Variants in DNER observed in about 807,000 individuals in gnomAD.
DNER encodes delta and Notch-like epidermal growth factor-related receptor.
Under a neutral mutation model 78.2 loss-of-function variants are expected in DNER, and 33 were observed. The ratio of observed to expected loss-of-function variants is 0.42; its 90% CI spans 0.32 to 0.56. The LOEUF (loss-of-function observed/expected upper bound fraction) is 0.56, where lower values mean the gene tolerates loss of function less well. Among genes scored for constraint, DNER ranks in the 20% least tolerant of loss-of-function variants. DNER has a pLI of 0.11. For missense variants in DNER, 918 were observed against 975.3 expected (o/e 0.94, Z 0.78); for synonymous variants, 417 against 384.8 (o/e 1.08, Z -0.98).
intron 11 of DNER, among the ~76,000 whole-genome samples, chr2:229,380,852 G>T (rs773543933): frequency 5.9e-5 from 9 of 152,086 alleles, no homozygotes; most frequent in Non-Finnish European, 1.0e-4. Context: ...TTGAACCGAG[G>T]AGGCAGAGGT....
intron 1 of DNER, among the ~76,000 whole-genome samples, chr2:229,641,455 A>G (rs73093601): frequency 7.9e-4 from 121 of 152,274 alleles, no homozygotes; most frequent in African/African-American, 2.6e-3. Context: ...CACAGATGCA[A>G]ATGCAAAAGA....
At chr2:229,654,560 T>C (rs531263947) in intron 1 of DNER, among the ~76,000 whole-genome samples, 121 of 152,344 alleles carry the variant, frequency 7.9e-4, no homozygotes, top group Non-Finnish European at 1.5e-3. Context: ...CCAGAGGTTA[T>C]GTTTTGTCTG....
At chr2:229,622,707 C>T (rs1698270554) in intron 1 of DNER, among the ~76,000 whole-genome samples, 1 of 152,160 alleles carries the variant, frequency 6.6e-6, no homozygotes, top group African/African-American at 2.4e-5. Flanking sequence ...GTCATGGATG[C>T]CTGCATGACT....
intron 1 of DNER, among the ~76,000 whole-genome samples, chr2:229,703,113 G>A (rs951329664): frequency 5.3e-5 from 8 of 151,858 alleles, no homozygotes; most frequent in Admixed American, 5.2e-4. Flanking sequence ...GGAGAAGGGG[G>A]GAGAACATAT....
intron 5 of DNER, among the ~76,000 whole-genome samples, chr2:229,522,977 G>A (rs1462552530): frequency 6.6e-6 from 1 of 152,230 alleles, no homozygotes; most frequent in East Asian, 1.9e-4. Flanking sequence ...CTAGTCAGAG[G>A]CAGAGGGGCT....
Position 229,390,078 on chromosome 2 carries a change from A to C in DNER, c.1724-1682T>G, listed in dbSNP as rs186450187. On this transcript the variant is annotated intron_variant, in intron 10 of 12. Coordinates refer to ENST00000341772, the MANE Select transcript of DNER (RefSeq NM_139072.4). ...TCAGGAACATGCTGAGAAATGTTAA[A>C]AGGATGAAATCAAAGACCTTAACAA... Among the ~76,000 whole-genome samples the C allele has an allele frequency of 8.5e-5, 13 of 152,380 alleles. 1 individual carries two copies. In the East Asian group the frequency reaches 2.5e-3, roughly 29 times the overall value.
intron 5 of DNER, among the ~76,000 whole-genome samples, chr2:229,519,529 T>C (rs1415982265): frequency 1.3e-5 from 2 of 152,082 alleles, no homozygotes; most frequent in African/African-American, 4.8e-5. Context: ...TGTCAGGTGA[T>C]CCATCTTAAG....
chr2:229,508,786 C>A (rs1469769626), intron 6 of DNER, among the ~76,000 whole-genome samples: 1 of 152,060 alleles, frequency 6.6e-6, no homozygotes, highest in Non-Finnish European at 1.5e-5. Context: ...GAGGCTGAGG[C>A]AGGAGAATGG....
At chr2:229,393,431 A>AC (rs1189873851) in intron 10 of DNER, among the ~76,000 whole-genome samples, 1 of 152,100 alleles carries the variant, frequency 6.6e-6, no homozygotes, top group Non-Finnish European at 1.5e-5. Flanking sequence ...GTCTCAAAAA[A>AC]AATAAAAATA....
rs563319428 is a variant in DNER at position 229,571,041 on chromosome 2, G to A, written c.847+14817C>T. On this transcript the variant is annotated intron_variant, in intron 4 of 12. Transcript: ENST00000341772. The stretch of plus-strand genomic sequence containing the variant: ...CCCCAAATATGGTCCCAGTTGTAGG[G>A]GCCTGGGGTGAAGCGGGGAGGCCAG... Among the ~76,000 whole-genome samples, 37 of 152,290 alleles carry A rather than the reference G, an allele frequency of 2.4e-4. 1 individual carries two copies. The South Asian group carries it at 7.5e-3, about 31-fold the overall frequency.
intron 10 of DNER, among the ~76,000 whole-genome samples, chr2:229,397,804 T>C (rs140967096): frequency 2.6e-3 from 396 of 152,206 alleles, no homozygotes; most frequent in Non-Finnish European, 3.6e-3. Flanking sequence ...TAAAGGGACA[T>C]TAAAAATAAA....
intron 1 of DNER, among the ~76,000 whole-genome samples, chr2:229,703,872 G>A (rs898288180): frequency 4.0e-5 from 6 of 149,630 alleles, no homozygotes; most frequent in Non-Finnish European, 8.9e-5. Flanking sequence ...GTGACAGAGT[G>A]AGACCCTGTC....
At chr2:229,467,103 C>T (rs1361869322) in intron 7 of DNER, among the ~76,000 whole-genome samples, 1 of 152,112 alleles carries the variant, frequency 6.6e-6, no homozygotes, top group Non-Finnish European at 1.5e-5. Context: ...ACAGAAAGTC[C>T]CTTGTGAGTG....
intron 5 of DNER, among the ~76,000 whole-genome samples, chr2:229,535,035 C>T (rs930007241): frequency 6.6e-6 from 1 of 152,068 alleles, no homozygotes; most frequent in African/African-American, 2.4e-5. Flanking sequence ...GGGGTTTCAC[C>T]ATGTTGGCCA....
At chr2:229,598,561 A>T (rs1697766519) in intron 1 of DNER, among the ~76,000 whole-genome samples, 1 of 149,674 alleles carries the variant, frequency 6.7e-6, no homozygotes, top group Admixed American at 6.8e-5. Context: ...TTTATGTTAA[A>T]CTACCTTACA....
At chr2:229,692,376 T>C (rs1699593764) in intron 1 of DNER, among the ~76,000 whole-genome samples, 1 of 152,214 alleles carries the variant, frequency 6.6e-6, no homozygotes, top group African/African-American at 2.4e-5. Flanking sequence ...AACACATCAT[T>C]GCATTTCTGG....
intron 11 of DNER, among the ~76,000 whole-genome samples, chr2:229,378,866 C>T (rs1362891700): frequency 6.6e-6 from 1 of 152,096 alleles, no homozygotes; most frequent in Non-Finnish European, 1.5e-5. Flanking sequence ...TGATTCAGAC[C>T]CAATTATCTA....
At chr2:229,503,171 G>T (rs1695656778) in intron 6 of DNER, among the ~76,000 whole-genome samples, 1 of 152,170 alleles carries the variant, frequency 6.6e-6, no homozygotes, top group African/African-American at 2.4e-5. Context: ...AATTCCTAAG[G>T]ACCTAATGGG....
At chr2:229,430,300 TG>T (rs2106354694) in intron 8 of DNER, among the ~76,000 whole-genome samples, 1 of 152,324 alleles carries the variant, frequency 6.6e-6, no homozygotes, top group Non-Finnish European at 1.5e-5. Flanking sequence ...TGGTTAATAC[TG>T]ATTAACTGAT....
Sources: allele counts gnomAD v4.1 joint callset (sites outside exome capture counted in the v4.1 genomes callset), GRCh38; gene constraint gnomAD v4.1.1; transcripts MANE v1.5; gene names NCBI Gene and HGNC (gene_info 2026-07-23, HGNC 2026-07-21).